USP6NL: variants seen among roughly 807,000 people sequenced by gnomAD.
USP6NL encodes USP6 N-terminal like.
Under a neutral mutation model 61.9 loss-of-function variants are expected in USP6NL, and 26 were observed. The ratio of observed to expected loss-of-function variants is 0.42; its 90% CI spans 0.31 to 0.58. The LOEUF is 0.58. Ranked by LOEUF, USP6NL falls within the 20% of genes least tolerant of loss-of-function variation. The pLI is 0.16. For synonymous variants in USP6NL, 432 were observed against 390.1 expected (o/e 1.11, Z -1.27); for missense variants, 1,114 against 1,034.3 (o/e 1.08, Z -1.06).
At chr10:11,567,927 G>A (rs933705458) in intron 2 of USP6NL, among the ~76,000 whole-genome samples, 10 of 152,124 alleles carry the variant, frequency 6.6e-5, no homozygotes, top group Non-Finnish European at 1.3e-4. Flanking sequence ...GCAAATGAGC[G>A]AGCAAATCCA....
chr10:11,516,964 C>T (rs182579665), intron 5 of USP6NL, among the ~76,000 whole-genome samples: 2 of 152,288 alleles, frequency 1.3e-5, no homozygotes, highest in Non-Finnish European at 2.9e-5. Flanking sequence ...TCATTTAAAT[C>T]ACCGGTCTGA....
At chr10:11,479,855 G>A (rs1833127290) in intron 14 of USP6NL, among the ~76,000 whole-genome samples, 2 of 152,120 alleles carry the variant, frequency 1.3e-5, no homozygotes, top group African/African-American at 4.8e-5. Context: ...GATTACAGGG[G>A]TGAGCCACTG....
rs566427826 is a variant in USP6NL at position 11,517,676 on chromosome 10, G to A, written c.195+859C>T. Among the ~76,000 whole-genome samples the A allele has an allele frequency of 2.0e-5, 3 of 152,116 alleles. No homozygotes were observed. In the South Asian group the frequency reaches 6.2e-4, roughly 32 times the overall value. On this transcript the variant is annotated intron_variant, in intron 5 of 14. Coordinates refer to ENST00000609104, the MANE Select transcript of USP6NL (RefSeq NM_014688.5). ...TAGGGTTCTCTATATACATAAAATG[G>A]CAATTTCATCTACATCTTAAGGTTT... is the stretch of plus-strand genomic sequence containing the variant.
At chr10:11,492,254 A>G (rs1833735694) in intron 8 of USP6NL, among the ~76,000 whole-genome samples, 2 of 152,206 alleles carry the variant, frequency 1.3e-5, no homozygotes, top group African/African-American at 4.8e-5. Context: ...TGCCAAGTTG[A>G]CAAGGCTGGA....
chr10:11,610,714 G>T (rs1353405232), intron 1 of USP6NL, among the ~76,000 whole-genome samples: 1 of 151,322 alleles, frequency 6.6e-6, no homozygotes, highest in South Asian at 2.1e-4. Context: ...AAGGCATGCT[G>T]AAGTCTACGG....
chr10:11,556,834 G>C (rs1267791774), intron 2 of USP6NL, among the ~76,000 whole-genome samples: 1 of 152,188 alleles, frequency 6.6e-6, no homozygotes, highest in Admixed American at 6.5e-5. Context: ...AATACATAGA[G>C]AGGTCAGAGA....
rs368119916 is a variant in USP6NL at position 11,482,593 on chromosome 10, T to C, written c.926-671A>G. 2.0e-5 allele frequency among the ~76,000 whole-genome samples: 3 copies of C among 152,344 alleles called. No homozygotes were observed. The highest frequency in any genetic ancestry group is 4.8e-5 in the African/African-American group (2 of 41,586). Reference sequence around the variant, plus strand: ...CAAGTTATTCCCCTTTTTGCTTTTTTCCCCATTCACTAATGTATCACTGAT... The same window carrying C: ...CAAGTTATTCCCCTTTTTGCTTTTTCCCCCATTCACTAATGTATCACTGAT... On this transcript the variant is annotated intron_variant, in intron 13 of 14. Transcript: ENST00000609104. This position sits in a 1 kb window ranked among gnomAD's most constrained non-coding sequence, Gnocchi z 4.0.
rs1033671410 is a variant in USP6NL, at chr10:11,597,589, C to T, written c.4+42G>A. 7 of 1,546,264 alleles carry T rather than the reference C, an allele frequency of 4.5e-6. No individual in the cohort carries two copies. Among genetic ancestry groups the T allele is most frequent in the African/African-American group, 1.4e-5 (1 of 72,900 alleles). On this transcript the variant is annotated intron_variant, in intron 2 of 14. Transcript: ENST00000609104. This position sits in a 1 kb window ranked among gnomAD's most constrained non-coding sequence, Gnocchi z 4.6. ...CTTCTCCTAAGCACAATACAGCAAA[C>T]GCTCCTGAGATGGCTGGAAGGAAAG...
Position 11,518,546 on chromosome 10 carries a change from C to A in USP6NL, c.184G>T (p.Ala62Ser), listed in dbSNP as rs1234699883. ...AGAGCAGGACTTACCCGTTCCACAG[C>A]CACATTATGATCTGGGAGCTCCTCC... ...HEEELPDHNV[A>S]VERQKHLEIE... Residue 62 changes from alanine to serine, a missense_variant, in exon 5 of 15, where the codon GCT (alanine) becomes TCT (serine). Transcript: ENST00000609104. This position sits in a 1 kb window ranked among gnomAD's most constrained non-coding sequence, Gnocchi z 5.3. 3 of 1,612,904 alleles carry A rather than the reference C, an allele frequency of 1.9e-6. No homozygotes were observed. In the East Asian group the frequency reaches 6.7e-5, roughly 36 times the overall value.
Position 11,543,969 on chromosome 10 carries a change from G to A in USP6NL, c.5-16402C>T, listed in dbSNP as rs1461887340. 5.9e-5 allele frequency among the ~76,000 whole-genome samples: 9 copies of A among 151,552 alleles called. No individual in the cohort carries two copies. In the East Asian group the frequency reaches 7.8e-4, roughly 13 times the overall value. ...TGGAACTACTGGTGCTTGCTACCAC[G>A]CCCGGCTATTTTTTTGTATTTTTAG... is the stretch of plus-strand genomic sequence containing the variant. On this transcript the variant is annotated intron_variant, in intron 2 of 14. Transcript: ENST00000609104.
chr10:11,474,590 G>C lies in USP6NL; in HGVS notation c.1078+7180C>G, dbSNP rs1316790911. ...AATACTATACTAACTTTTGTAAACT[G>C]AATTAAATGTAAGGAAGAAATACGT... On this transcript the variant is annotated intron_variant, in intron 14 of 14. Coordinates refer to ENST00000609104, the MANE Select transcript of USP6NL (RefSeq NM_014688.5). This position sits in a 1 kb window ranked among gnomAD's most constrained non-coding sequence, Gnocchi z 4.9. Among the ~76,000 whole-genome samples, 1 of 152,074 alleles carries C rather than the reference G, an allele frequency of 6.6e-6. No individual in the cohort carries two copies. The highest frequency in any genetic ancestry group is 1.5e-5 in the Non-Finnish European group (1 of 68,002).
intron 2 of USP6NL, among the ~76,000 whole-genome samples, chr10:11,554,474 G>A (rs1019165697): frequency 2.0e-5 from 3 of 152,128 alleles, no homozygotes; most frequent in African/African-American, 4.8e-5. Context: ...ATTGGAGTTC[G>A]GGATCCACTA....
chr10:11,472,110 C>T (rs536470207), intron 14 of USP6NL, among the ~76,000 whole-genome samples: 26 of 152,156 alleles, frequency 1.7e-4, no homozygotes, highest in Non-Finnish European at 3.1e-4. Flanking sequence ...GGTATTTTTA[C>T]GGCAGTGCTA....
intron 13 of USP6NL, among the ~76,000 whole-genome samples, chr10:11,483,788 A>G (rs1006149042): frequency 9.2e-5 from 14 of 152,022 alleles, no homozygotes; most frequent in African/African-American, 3.4e-4. Context: ...GAAGACACAT[A>G]GTCAATTGTT....
Position 11,517,855 on chromosome 10 carries a change from C to G in USP6NL, c.195+680G>C, listed in dbSNP as rs77780403. On this transcript the variant is annotated intron_variant, in intron 5 of 14. Coordinates refer to ENST00000609104, the MANE Select transcript of USP6NL (RefSeq NM_014688.5). ...ACTGATAATAATCCCAGTCAATACC[C>G]CCACTTTCATTCTACAGTTCATTTT... Among the ~76,000 whole-genome samples the G allele has an allele frequency of 3.9e-5, 6 of 152,302 alleles. No individual in the cohort carries two copies. The East Asian group carries it at 1.2e-3, about 29-fold the overall frequency.
intron 2 of USP6NL, among the ~76,000 whole-genome samples, chr10:11,572,031 G>A (rs1421485113): frequency 6.6e-6 from 1 of 151,196 alleles, no homozygotes; most frequent in Non-Finnish European, 1.5e-5. Flanking sequence ...TCCACATGAT[G>A]TTTCCTGTAA....
chr10:11,530,120 A>C (rs963711230), intron 2 of USP6NL, among the ~76,000 whole-genome samples: 1 of 151,678 alleles, frequency 6.6e-6, no homozygotes, highest in African/African-American at 2.4e-5. Context: ...AAAAAAAAAA[A>C]AAAAGAAATT....
chr10:11,489,141 G>T lies in USP6NL; in HGVS notation c.625C>A (p.Leu209Met), dbSNP rs767623038. ...YMNEEDAFWA[L>M]VKLFSGPKHA... ...TTAGGGCCTGAGAAGAGTTTGACCA[G>T]GGCCCAGAAGGCATCTTCCTCGTTC... Residue 209 changes from leucine to methionine, a missense_variant, in exon 10 of 15, where the codon CTG becomes ATG. By Grantham distance (15) the Leu-to-Met change is conservative. Transcript: ENST00000609104. The surrounding 1 kb of genome is among the most constrained non-coding windows in gnomAD (Gnocchi z 5.7). 2.5e-6 allele frequency: 4 copies of T among 1,613,936 alleles called. No homozygotes were observed. The South Asian group carries it at 4.4e-5, about 18-fold the overall frequency.
intron 1 of USP6NL, among the ~76,000 whole-genome samples, chr10:11,601,274 A>G (rs1398635536): frequency 5.9e-5 from 9 of 152,184 alleles, no homozygotes; most frequent in Non-Finnish European, 1.2e-4. Flanking sequence ...TAAAGATACC[A>G]CTTATATAAC....
Sources: allele counts gnomAD v4.1 joint callset (sites outside exome capture counted in the v4.1 genomes callset), GRCh38; gene constraint gnomAD v4.1.1; non-coding constraint Gnocchi (gnomAD v3.1); transcripts MANE v1.5; gene names NCBI Gene and HGNC (gene_info 2026-07-23, HGNC 2026-07-21).